The following ANXA11 variants were observed in gnomAD, a reference collection of about 807,000 sequenced individuals.
ANXA11 encodes annexin A11.
Under a neutral mutation model 64.7 loss-of-function variants are expected in ANXA11, and 57 were observed. The observed-to-expected ratio is 0.88, with a 90% CI of 0.71 to 1.10. The LOEUF (loss-of-function observed/expected upper bound fraction) is 1.10. Among genes scored for constraint, ANXA11 ranks in the 50% least tolerant of loss-of-function variants. The pLI, the probability that ANXA11 is intolerant of heterozygous loss-of-function variation, is 0.00. For missense variants in ANXA11, 675 were observed against 670.7 expected, an observed-to-expected ratio of 1.01 and a Z score of -0.07; for synonymous variants, 260 against 265.2, an observed-to-expected ratio of 0.98 and a Z score of 0.19.
intron 15 of ANXA11, chr10:80,157,326 T>G (rs1434989018): frequency 1.1e-5 from 11 of 985,292 alleles, no homozygotes; most frequent in Non-Finnish European, 1.3e-5. Context: ...CTTTGGGACA[T>G]GAGTTCTCAC....
intron 1 of ANXA11, among the ~76,000 whole-genome samples, chr10:80,189,791 G>A (rs1292239485): frequency 6.6e-6 from 1 of 152,102 alleles, no homozygotes; most frequent in African/African-American, 2.4e-5. Flanking sequence ...ATGAAAGCAG[G>A]GACTCCAACA....
chr10:80,196,373 T>G (rs1840170355), intron 1 of ANXA11, among the ~76,000 whole-genome samples: 1 of 152,132 alleles, frequency 6.6e-6, no homozygotes, highest in Non-Finnish European at 1.5e-5. Flanking sequence ...GGGCTGGCAC[T>G]GTGAGGCCCT....
At chr10:80,167,422 G>A in intron 5 of ANXA11, 109 bp from the exon 6 acceptor site, 1 of 914,050 alleles carries the variant, frequency 1.1e-6, no homozygotes, top group Non-Finnish European at 1.7e-6. Context: ...AAGAGTTGGA[G>A]TATCTAAAGG....
At position 80,163,579 on chromosome 10, in the gene ANXA11, G is replaced by A. The variant is rs574331613; in HGVS notation, c.984C>T (p.Ser328=). 23 of 1,565,294 alleles carry A rather than the reference G, an allele frequency of 1.5e-5. No homozygotes were observed. Among genetic ancestry groups the A allele is most frequent in the African/African-American group, 6.8e-5 (5 of 73,780 alleles). ...GCCGCTGGAAGTGCCCTGATGTGTC[G>A]CTTCGAATGGCCTCTTCCAGGGTCT... ...FKKTLEEAIR[S]DTSGHFQRLL... Residue 328 remains serine, a synonymous_variant, in exon 10 of 16, where the codon AGC becomes AGT. Coordinates refer to ENST00000422982, the MANE Select transcript of ANXA11 (RefSeq NM_145868.2).
intron 13 of ANXA11, 88 bp downstream of exon 13, chr10:80,159,012 C>G: frequency 1.0e-6 from 1 of 957,808 alleles, no homozygotes; most frequent in Admixed American, 1.7e-5. Context: ...CACGGTGTCA[C>G]CCATCAGCTG....
intron 1 of ANXA11, among the ~76,000 whole-genome samples, chr10:80,183,035 A>T (rs755039469): frequency 6.6e-6 from 1 of 152,076 alleles, no homozygotes; most frequent in African/African-American, 2.4e-5. Context: ...TCACATTCCG[A>T]CCTGGTGCCC....
At chr10:80,165,843 G>C (rs1845697039) in intron 8 of ANXA11, among the ~76,000 whole-genome samples, 1 of 152,116 alleles carries the variant, frequency 6.6e-6, no homozygotes, top group Admixed American at 6.5e-5. Flanking sequence ...AAGCCTCCCT[G>C]ATGATGACTG....
chr10:80,157,778 C>T lies in ANXA11; in HGVS notation c.1336-15G>A, dbSNP rs1845335099. 1.2e-6 allele frequency: 2 copies of T among 1,609,156 alleles called. No homozygotes were observed. The highest frequency in any genetic ancestry group is 1.7e-6 in the Non-Finnish European group (2 of 1,176,682). ...GTTCCTGCCCCCTAAAGAGAGTCCA[C>T]CCAAGAGCATGAGCACCAGGCCTCC... On this transcript the variant is annotated splice_polypyrimidine_tract_variant and intron_variant, in intron 14 of 15. Coordinates refer to ENST00000422982, the MANE Select transcript of ANXA11 (RefSeq NM_145868.2).
rs892262769 is a variant in ANXA11 at position 80,173,122 on chromosome 10, T to G, written c.-8-253A>C. 14 of 481,888 alleles carry G rather than the reference T, an allele frequency of 2.9e-5. No individual in the cohort carries two copies. The South Asian group carries it at 3.5e-4, about 12-fold the overall frequency. 29.9% of individuals were successfully genotyped at this position (481,888 alleles called of 1,614,324 possible). ...CCGGCCCCACCCACAGTGACAGGAT[T>G]CACTCCCCATGAGCCAGTTTCCTTG... On this transcript the variant is annotated intron_variant, in intron 2 of 15. Coordinates refer to ENST00000422982, the MANE Select transcript of ANXA11 (RefSeq NM_145868.2).
intron 2 of ANXA11, among the ~76,000 whole-genome samples, chr10:80,173,244 G>A: frequency 6.6e-6 from 1 of 152,248 alleles, no homozygotes; most frequent in Non-Finnish European, 1.5e-5. Flanking sequence ...GAGACGCACT[G>A]CCTCATTCTC....
intron 1 of ANXA11, among the ~76,000 whole-genome samples, chr10:80,193,674 T>C (rs997494554): frequency 6.6e-6 from 1 of 151,540 alleles, no homozygotes; most frequent in Admixed American, 6.6e-5. Flanking sequence ...CAAAACCCCG[T>C]CTCTACTAAA....
chr10:80,205,589 CT>C (rs1840646756), upstream of ANXA11: 1 of 152,016 alleles, frequency 6.6e-6, no homozygotes, highest in Non-Finnish European at 1.5e-5. Context: ...GGGGCGGGGC[CT>C]GAGCGCGGCC....
chr10:80,155,763 T>G lies in ANXA11; in HGVS notation c.*90A>C. The G allele has an allele frequency of 7.9e-7, 1 of 1,270,376 alleles. No individual in the cohort carries two copies. The highest frequency in any genetic ancestry group is 1.2e-5 in the South Asian group (1 of 82,516). 78.7% of individuals were successfully genotyped at this position (1,270,376 alleles called of 1,614,324 possible). A position where few individuals can be genotyped will look rare whatever the true frequency, so the allele number is the denominator to read the frequency against. ...TAGGACGGTGAATCTCGGGGCTATT[T>G]GTGGATTTGTTAGAAACAGACATTC... On this transcript the variant is annotated 3_prime_UTR_variant, in exon 16 of 16. Coordinates refer to ENST00000422982, the MANE Select transcript of ANXA11 (RefSeq NM_145868.2).
intron 4 of ANXA11, among the ~76,000 whole-genome samples, chr10:80,170,076 C>G (rs2132416750): frequency 6.6e-6 from 1 of 152,280 alleles, no homozygotes; most frequent in East Asian, 1.9e-4. Flanking sequence ...ACTCCTGACC[C>G]CTTTACCCTG....
upstream of ANXA11, chr10:80,205,617 G>C (rs1200384038): frequency 1.3e-5 from 2 of 152,112 alleles, no homozygotes; most frequent in Non-Finnish European, 2.9e-5. Flanking sequence ...CCAAGATGAG[G>C]ACTGGGCACG....
chr10:80,190,866 G>A (rs764253086), intron 1 of ANXA11, among the ~76,000 whole-genome samples: 6 of 151,452 alleles, frequency 4.0e-5, no homozygotes, highest in Non-Finnish European at 5.9e-5. Context: ...CAAGGTGGGC[G>A]GACTGCATGA....
chr10:80,168,097 T>G (rs960238711), intron 5 of ANXA11, among the ~76,000 whole-genome samples: 21 of 152,142 alleles, frequency 1.4e-4, no homozygotes, highest in Non-Finnish European at 1.2e-4. Context: ...ACTACCCCTG[T>G]GCTGGCTGGT....
In ANXA11 at chr10:80,176,862, G is replaced by A. The variant is rs116201141; in HGVS notation, c.-57-707C>T. On this transcript the variant is annotated intron_variant, in intron 1 of 15. Coordinates refer to ENST00000422982, the MANE Select transcript of ANXA11 (RefSeq NM_145868.2). ...CGACCCCACTGTGAGCTGTGGTCCT[G>A]CGACCCTGGGTCTTCCCCTCTCCCC... 1.6e-3 allele frequency among the ~76,000 whole-genome samples: 241 copies of A among 152,268 alleles called. 1 individual carries two copies. Among genetic ancestry groups the A allele is most frequent in the African/African-American group, 5.4e-3 (226 of 41,550 alleles).
intron 1 of ANXA11, among the ~76,000 whole-genome samples, chr10:80,189,520 A>C (rs568189659): frequency 1.9e-4 from 29 of 151,826 alleles, no homozygotes; most frequent in African/African-American, 6.3e-4. Context: ...CAGCAATCTC[A>C]CTCCTGGGCA....
Sources: gnomAD v4.1 joint callset for allele counts (sites outside exome capture counted in the v4.1 genomes callset) on GRCh38, gnomAD v4.1.1 for gene constraint, MANE v1.5 for transcripts, NCBI Gene and HGNC (gene_info 2026-07-23, HGNC 2026-07-21) for gene names.